The following SFMBT2 variants were observed in gnomAD, a reference collection of about 807,000 sequenced individuals.
SFMBT2 encodes the protein scm-like with four MBT domains protein 2.
A neutral mutation model predicts 110.1 loss-of-function variants in SFMBT2; 38 were observed. That is an observed-to-expected ratio of 0.35 (90% confidence interval 0.27 to 0.45). The LOEUF (loss-of-function observed/expected upper bound fraction) is 0.45, where lower values mean the gene tolerates loss of function less well. Among genes scored for constraint, SFMBT2 ranks in the 20% least tolerant of loss-of-function variants. The pLI is 1.00. For missense variants in SFMBT2, 1,011 were observed against 1,094.9 expected, an observed-to-expected ratio of 0.92 and a Z score of 1.08; for synonymous variants, 425 against 425.4, an observed-to-expected ratio of 1.00 and a Z score of 0.01.
At chr10:7,264,992 C>T (rs762597515) in intron 7 of SFMBT2, among the ~76,000 whole-genome samples, 2 of 150,446 alleles carry the variant, frequency 1.3e-5, no homozygotes, top group South Asian at 4.2e-4. Context: ...AAGCCTAGTC[C>T]GTGATCACTT....
chr10:7,288,137 A>G (rs1283118846), intron 4 of SFMBT2, among the ~76,000 whole-genome samples: 2 of 152,230 alleles, frequency 1.3e-5, no homozygotes, highest in East Asian at 1.9e-4. Context: ...CAGAACAGCC[A>G]GTAGAATGGA....
intron 2 of SFMBT2, among the ~76,000 whole-genome samples, chr10:7,373,716 A>T (rs1302157411): frequency 6.6e-6 from 1 of 152,198 alleles, no homozygotes; most frequent in South Asian, 2.1e-4. Flanking sequence ...GTGAACCCTG[A>T]AACAGTCTAC....
At chr10:7,238,088 G>A (rs571809810) in intron 9 of SFMBT2, among the ~76,000 whole-genome samples, 2 of 152,274 alleles carry the variant, frequency 1.3e-5, no homozygotes, top group East Asian at 3.9e-4. Flanking sequence ...GACACAGGGT[G>A]GGGTGGAAGG....
rs1184968024 is a variant in SFMBT2, at chr10:7,298,177, T to G, written c.437-12223A>C. 2.0e-5 allele frequency among the ~76,000 whole-genome samples: 3 copies of G among 152,300 alleles called. No homozygotes were observed. The East Asian group carries it at 5.8e-4, about 29-fold the overall frequency. On this transcript the variant is annotated intron_variant, in intron 4 of 20. Transcript: ENST00000397167. ...CTGGAGAGATCCTGTCTCTTGGGAT[T>G]CCCCTAACAGCCAGCCTCTGCAGGG...
chr10:7,175,929 C>T (rs963615392), intron 17 of SFMBT2, 61 bp downstream of exon 17: 1 of 1,483,464 alleles, frequency 6.7e-7, no homozygotes, highest in Non-Finnish European at 9.2e-7. Context: ...AAACCAAATA[C>T]CTTAGAGTGC....
At chr10:7,175,438 C>T (rs1421607531) in intron 17 of SFMBT2, among the ~76,000 whole-genome samples, 1 of 152,194 alleles carries the variant, frequency 6.6e-6, no homozygotes, top group East Asian at 1.9e-4. Flanking sequence ...CACCCTGTGT[C>T]CTGGGAGAGA....
In SFMBT2 at chr10:7,273,853, T is replaced by C. The variant is rs530994615; in HGVS notation, c.870+3039A>G. Among the ~76,000 whole-genome samples the C allele has an allele frequency of 4.6e-5, 7 of 152,348 alleles. No individual in the cohort carries two copies. In the South Asian group the frequency reaches 1.5e-3, roughly 32 times the overall value. On this transcript the variant is annotated intron_variant, in intron 7 of 20. Coordinates refer to ENST00000397167, the MANE Select transcript of SFMBT2 (RefSeq NM_001387889.1). ...GTGGGACTGTAAACTAGTTCAACCATTGTGAAAGACAGTGTGGCGAGTCCT... is the reference window on the plus strand; with the variant it reads ...GTGGGACTGTAAACTAGTTCAACCACTGTGAAAGACAGTGTGGCGAGTCCT...
In SFMBT2 at chr10:7,197,908, ACT is replaced by A. The variant is rs561285178; in HGVS notation, c.1559-223_1559-222del. ...GTTAGAACTGTAATTAGGAGGCCAC[ACT>A]CTAGTTCCAAATCGTGACAAAGCAG... On this transcript the variant is annotated intron_variant, in intron 14 of 20. Coordinates refer to ENST00000397167, the MANE Select transcript of SFMBT2 (RefSeq NM_001387889.1). 6.2e-4 allele frequency: 573 copies of A among 918,614 alleles called. 5 individuals carry two copies. In the African/African-American group the frequency reaches 9.5e-3, roughly 15 times the overall value. 56.9% of individuals were successfully genotyped at this position (918,614 alleles called of 1,614,324 possible). A position where few individuals can be genotyped will look rare whatever the true frequency, so the allele number is the denominator to read the frequency against.
chr10:7,166,576 C>T (rs541490983), intron 20 of SFMBT2, among the ~76,000 whole-genome samples: 3 of 152,306 alleles, frequency 2.0e-5, no homozygotes, highest in East Asian at 1.9e-4. Flanking sequence ...GAAAGGTTCC[C>T]TCTCTGGACA....
chr10:7,163,812 G>T lies in SFMBT2; in HGVS notation c.2643C>A (p.Ile881=). ...CGTAGAAAGCCACTTTGACTCTCTC[G>T]ATCTGGTGGCATAACTTGATGGCAG... ...LGPAIKLCHQ[I]ERVKVAFYAQ... is the part of the protein sequence containing the mutation. Residue 881 remains isoleucine (I), a synonymous_variant, in exon 21 of 21, where the codon ATC becomes ATA. Transcript: ENST00000397167. This position sits in a 1 kb window ranked among gnomAD's most constrained non-coding sequence, Gnocchi z 4.8. 1 of 1,614,146 alleles carries T rather than the reference G, an allele frequency of 6.2e-7. No homozygotes were observed. Among genetic ancestry groups the T allele is most frequent in the Non-Finnish European group, 8.5e-7 (1 of 1,180,040 alleles).
chr10:7,314,058 T>G (rs1266339479), intron 4 of SFMBT2, among the ~76,000 whole-genome samples: 1 of 152,178 alleles, frequency 6.6e-6, no homozygotes, highest in East Asian at 1.9e-4. Flanking sequence ...TTTTAAAAAG[T>G]AATGGAAAAA....
intron 11 of SFMBT2, among the ~76,000 whole-genome samples, chr10:7,219,058 T>C (rs1007181131): frequency 2.6e-5 from 4 of 152,210 alleles, no homozygotes; most frequent in African/African-American, 9.6e-5. Flanking sequence ...GTTTTCAAAT[T>C]AATAATGCAA....
intron 15 of SFMBT2, among the ~76,000 whole-genome samples, chr10:7,192,731 G>C (rs1017595146): frequency 6.6e-6 from 1 of 152,192 alleles, no homozygotes; most frequent in East Asian, 1.9e-4. Flanking sequence ...CAAACTGCAG[G>C]TGACCAGGAG....
At chr10:7,183,218 C>T (rs1239124653) in intron 16 of SFMBT2, among the ~76,000 whole-genome samples, 1 of 152,104 alleles carries the variant, frequency 6.6e-6, no homozygotes, top group African/African-American at 2.4e-5. Context: ...AGGGAGAGGT[C>T]CAGGAAGGAG....
intron 9 of SFMBT2, among the ~76,000 whole-genome samples, chr10:7,230,883 C>T (rs1840097141): frequency 1.3e-5 from 2 of 152,060 alleles, no homozygotes; most frequent in African/African-American, 4.8e-5. Context: ...TGTGAGCCAA[C>T]ATCACACCAC....
At position 7,287,493 on chromosome 10, in the gene SFMBT2, C is replaced by G. The variant is rs1012232839; in HGVS notation, c.437-1539G>C. On this transcript the variant is annotated intron_variant, in intron 4 of 20. Transcript: ENST00000397167. ...TTGGCATGTCTCCCAAGCTACAGAT[C>G]TTCAAAGGCCCCACTGGGCTACACC... The G allele has an allele frequency of 5.1e-5, 12 of 233,584 alleles. 1 individual carries two copies. The Admixed American group carries it at 6.5e-4, about 13-fold the overall frequency. The allele number at this position is 233,584 out of a possible 1,614,324, so 14.5% of individuals were successfully genotyped here.
chr10:7,204,887 A>ATT, intron 12 of SFMBT2: 1 of 873,496 alleles, frequency 1.1e-6, no homozygotes, highest in Non-Finnish European at 1.4e-6. Context: ...AAAAAAAAAA[A>ATT]TTTTTTTTTT....
Position 7,163,832 on chromosome 10 carries a change from T to C in SFMBT2, c.2623A>G (p.Ile875Val), listed in dbSNP as rs1391114019. 1 of 1,614,206 alleles carries C rather than the reference T, an allele frequency of 6.2e-7. No individual in the cohort carries two copies. The highest frequency in any genetic ancestry group is 8.5e-7 in the Non-Finnish European group (1 of 1,180,020). ...CTCTCGATCTGGTGGCATAACTTGA[T>C]GGCAGGCCCCAGCTTCAGCTCCATG... ...ECMELKLGPA[I>V]KLCHQIERVK... Residue 875 changes from isoleucine (I) to valine (V), a missense_variant, in exon 21 of 21, where the codon ATC becomes GTC. This residue lies in a region of SFMBT2 where 32 missense variants were observed against 78.8 expected (regional missense o/e 0.41). Coordinates refer to ENST00000397167, the MANE Select transcript of SFMBT2 (RefSeq NM_001387889.1). The surrounding 1 kb of genome is among the most constrained non-coding windows in gnomAD (Gnocchi z 4.8).
chr10:7,354,425 T>C (rs1844431355), intron 4 of SFMBT2, among the ~76,000 whole-genome samples: 1 of 152,168 alleles, frequency 6.6e-6, no homozygotes, highest in Non-Finnish European at 1.5e-5. Flanking sequence ...ATAGTGGGCA[T>C]GAGATCTCGA....
Sources: gnomAD v4.1 joint callset for allele counts (sites outside exome capture counted in the v4.1 genomes callset) on GRCh38, gnomAD v4.1.1 for gene constraint, gnomAD v4.1.1 regional missense constraint, Gnocchi (gnomAD v3.1) non-coding constraint, MANE v1.5 for transcripts, NCBI Gene and HGNC (gene_info 2026-07-23, HGNC 2026-07-21) for gene names.